Variants in RB1 observed in about 807,000 individuals in gnomAD.
RB1 encodes the protein retinoblastoma-associated protein.
A neutral mutation model predicts 135.4 loss-of-function variants in RB1; 18 were observed. The observed-to-expected ratio is 0.13, with a 90% CI of 0.09 to 0.20. The LOEUF is 0.20. RB1 is among the 10% of genes least tolerant of loss of function. The pLI is 1.00. For synonymous variants in RB1, 365 were observed against 373.2 expected (o/e 0.98, Z 0.25); for missense variants, 868 against 1,110.0 (o/e 0.78, Z 3.10).
At chr13:48,316,311 C>T (rs563262638) in intron 2 of RB1, among the ~76,000 whole-genome samples, 6 of 151,816 alleles carry the variant, frequency 4.0e-5, no homozygotes, top group African/African-American at 9.7e-5. Flanking sequence ...TGCTGTCCTG[C>T]GAGCTTCCCG....
intron 6 of RB1, among the ~76,000 whole-genome samples, chr13:48,354,008 C>G (rs1441053486): frequency 1.3e-5 from 2 of 152,060 alleles, no homozygotes; most frequent in Non-Finnish European, 2.9e-5. Flanking sequence ...AATTGAAAGC[C>G]TTTCCTCTAA....
intron 17 of RB1, among the ~76,000 whole-genome samples, chr13:48,392,108 G>T (rs979759928): frequency 6.6e-6 from 1 of 151,504 alleles, no homozygotes; most frequent in Admixed American, 6.6e-5. Context: ...GGTTTGCCTT[G>T]TTTCTTTTTT....
Position 48,345,180 on chromosome 13 carries a change from C to G in RB1, c.481C>G (p.Leu161Val), listed in dbSNP as rs2138087763. Residue 161 changes from leucine (L) to valine (V), a missense_variant, in exon 4 of 27, where the codon CTC becomes GTC. Coordinates refer to ENST00000267163, the MANE Select transcript of RB1 (RefSeq NM_000321.3). ...GAAGAAGTATGATGTATTGTTTGCA[C>G]TCTTCAGCAAATTGGAAAGGTAAAG... ...LLKKYDVLFA[L>V]FSKLERTCEL... The G allele has an allele frequency of 6.2e-7, 1 of 1,612,488 alleles. No individual in the cohort carries two copies. Among genetic ancestry groups the G allele is most frequent in the Non-Finnish European group, 8.5e-7 (1 of 1,179,476 alleles).
chr13:48,377,248 C>A (rs1433657906), intron 13 of RB1, among the ~76,000 whole-genome samples: 1 of 152,042 alleles, frequency 6.6e-6, no homozygotes, highest in Non-Finnish European at 1.5e-5. Context: ...AATAAAGGAA[C>A]ACATAGCCAT....
In RB1 at chr13:48,465,125, A is replaced by G; in HGVS notation, c.2325+14A>G. ...GCTTCCACCAGGGTAGGTCAAAAGTATCCTTTGATTGGAAAAATCTAATGT... is the reference window on the plus strand; with the variant it reads ...GCTTCCACCAGGGTAGGTCAAAAGTGTCCTTTGATTGGAAAAATCTAATGT... On this transcript the variant is annotated intron_variant, in intron 22 of 26. Coordinates refer to ENST00000267163, the MANE Select transcript of RB1 (RefSeq NM_000321.3). The G allele has an allele frequency of 6.2e-7, 1 of 1,613,356 alleles. No homozygotes were observed. Among genetic ancestry groups the G allele is most frequent in the Non-Finnish European group, 8.5e-7 (1 of 1,179,342 alleles).
chr13:48,437,321 G>C (rs1193091900), intron 17 of RB1, among the ~76,000 whole-genome samples: 1 of 152,102 alleles, frequency 6.6e-6, no homozygotes, highest in African/African-American at 2.4e-5. Flanking sequence ...GCTTTAGAAA[G>C]AAATATACAT....
At chr13:48,409,843 T>C (rs957584590) in intron 17 of RB1, among the ~76,000 whole-genome samples, 4 of 152,108 alleles carry the variant, frequency 2.6e-5, no homozygotes, top group African/African-American at 7.2e-5. Flanking sequence ...CCACCCAAAG[T>C]GCTAGGATTA....
At position 48,379,667 on chromosome 13, in the gene RB1, A is replaced by T; in HGVS notation, c.1389+17A>T. ...CTTAAATCAGTAAGTTAAAAACAAT[A>T]TAAAAAAATTTCAGCCGGGCGCGGT... is the stretch of plus-strand genomic sequence containing the variant. On this transcript the variant is annotated intron_variant, in intron 14 of 26. Coordinates refer to ENST00000267163, the MANE Select transcript of RB1 (RefSeq NM_000321.3). The T allele has an allele frequency of 6.2e-7, 1 of 1,608,402 alleles. No individual in the cohort carries two copies. The highest frequency in any genetic ancestry group is 8.5e-7 in the Non-Finnish European group (1 of 1,177,664).
chr13:48,400,572 G>A (rs1368286483), intron 17 of RB1, among the ~76,000 whole-genome samples: 1 of 152,026 alleles, frequency 6.6e-6, no homozygotes, highest in Admixed American at 6.6e-5. Flanking sequence ...TTGAATTAGC[G>A]GATCTTACTT....
rs1948520103 is a variant in RB1 at position 48,380,075 on chromosome 13, A to G, written c.1412A>G (p.Gln471Arg). 5 of 1,399,264 alleles carry G rather than the reference A, an allele frequency of 3.6e-6. No individual in the cohort carries two copies. The highest frequency in any genetic ancestry group is 3.9e-6 in the Non-Finnish European group (4 of 1,035,720). 86.7% of individuals were successfully genotyped at this position (1,399,264 alleles called of 1,614,324 possible). A position where few individuals can be genotyped will look rare whatever the true frequency, so the allele number is the denominator to read the frequency against. ...LKSEEERLSI[Q>R]NFSKLLNDNI... ...CAGGAAGAAGAACGATTATCCATTC[A>G]AAATTTTAGGTAAATTTTTTACTTT... The change falls in exon 15 of 27, where the codon CAA (glutamine) becomes CGA (arginine). Residue 471 changes from glutamine (Q) to arginine (R), a missense_variant. Coordinates refer to ENST00000267163, the MANE Select transcript of RB1 (RefSeq NM_000321.3).
intron 19 of RB1, 72 bp downstream of exon 19, chr13:48,456,421 T>C (rs1315943521): frequency 4.5e-6 from 7 of 1,572,470 alleles, no homozygotes; most frequent in African/African-American, 2.7e-5. Context: ...ATGTTTCTTC[T>C]ACTTTCTAGG....
intron 11 of RB1, among the ~76,000 whole-genome samples, chr13:48,368,906 T>C (rs997488002): frequency 6.6e-6 from 1 of 152,036 alleles, no homozygotes; most frequent in Non-Finnish European, 1.5e-5. Context: ...CTCGGGAGGC[T>C]GAGGCAGGAG....
At chr13:48,408,562 A>C (rs1457807989) in intron 17 of RB1, 2 of 152,134 alleles carry the variant, frequency 1.3e-5, no homozygotes, top group Non-Finnish European at 2.9e-5. Flanking sequence ...TTCTAATATT[A>C]ATATAGGTTT....
chr13:48,463,686 C>G (rs1397118311), intron 20 of RB1, 45 bp from the exon 21 acceptor site: 3 of 1,142,158 alleles, frequency 2.6e-6, no homozygotes, highest in Non-Finnish European at 2.7e-6. Context: ...AGAACAAAAC[C>G]ATGTAATAAA....
intron 2 of RB1, 149 bp from the exon 3 acceptor site, chr13:48,342,450 C>T: frequency 7.6e-6 from 4 of 528,890 alleles, no homozygotes; most frequent in South Asian, 2.8e-5. Flanking sequence ...AAATATATGC[C>T]ATCAGAAGGA....
intron 24 of RB1, among the ~76,000 whole-genome samples, chr13:48,474,137 A>G (rs764610345): frequency 1.3e-5 from 2 of 152,104 alleles, no homozygotes; most frequent in Non-Finnish European, 2.9e-5. Context: ...GCACTTAGAC[A>G]TGTTTACCAA....
chr13:48,452,746 T>C (rs1566232913), intron 17 of RB1, among the ~76,000 whole-genome samples: 1 of 152,138 alleles, frequency 6.6e-6, no homozygotes, highest in Non-Finnish European at 1.5e-5. Context: ...TCCTAACTTC[T>C]AACTTATTTT....
At chr13:48,413,405 C>T (rs1486127147) in intron 17 of RB1, among the ~76,000 whole-genome samples, 2 of 152,098 alleles carry the variant, frequency 1.3e-5, no homozygotes, top group African/African-American at 4.8e-5. Context: ...ACTATTCAGC[C>T]TGTTCTCTTA....
At chr13:48,380,415 T>C (rs565510345) in intron 16 of RB1, among the ~76,000 whole-genome samples, 174 bp downstream of exon 16, 6 of 151,772 alleles carry the variant, frequency 4.0e-5, no homozygotes, top group African/African-American at 1.2e-4. Context: ...AGAGGCTTAT[T>C]TGAGTTATTT....
Sources: allele counts gnomAD v4.1 joint callset (sites outside exome capture counted in the v4.1 genomes callset), GRCh38; gene constraint gnomAD v4.1.1; transcripts MANE v1.5; gene names NCBI Gene and HGNC (gene_info 2026-07-23, HGNC 2026-07-21).